CHIC1: variants seen among roughly 807,000 people sequenced by gnomAD.
CHIC1 encodes the protein cysteine rich hydrophobic domain 1.
A neutral mutation model predicts 18.5 loss-of-function variants in CHIC1; 7 were observed. The observed-to-expected ratio is 0.38, with a 90% CI of 0.22 to 0.71. CHIC1 has a LOEUF of 0.71. CHIC1 is among the 30% of genes least tolerant of loss of function. The probability of loss-of-function intolerance (pLI) is 0.49; values close to 1 mark genes in which losing one functional copy is unlikely to be tolerated. For synonymous variants in CHIC1, 77 were observed against 73.5 expected (o/e 1.05, Z -0.25); for missense variants, 159 against 176.9 (o/e 0.90, Z 0.57).
chrX:73,680,188 G>A (rs943483622), intron 5 of CHIC1, among the ~76,000 whole-genome samples: 1 of 105,692 alleles, frequency 9.5e-6, no homozygotes, highest in African/African-American at 3.5e-5. Flanking sequence ...TACAATCTTA[G>A]TCATAAGACA....
chrX:73,670,817 G>A (rs1215270883), intron 3 of CHIC1, among the ~76,000 whole-genome samples: 1 of 111,450 alleles, frequency 9.0e-6, no homozygotes, highest in East Asian at 2.8e-4. Flanking sequence ...TATTGGTACA[G>A]TTTCCAAATT....
intron 3 of CHIC1, among the ~76,000 whole-genome samples, chrX:73,589,393 A>G (rs1290553527): frequency 9.1e-6 from 1 of 110,331 alleles, no homozygotes; most frequent in African/African-American, 3.3e-5. Context: ...TGTATACCTT[A>G]TTTCCTTTTC....
intron 3 of CHIC1, among the ~76,000 whole-genome samples, chrX:73,635,821 G>A (rs2057829085): frequency 9.0e-6 from 1 of 111,474 alleles, no homozygotes; most frequent in Admixed American, 9.5e-5. Flanking sequence ...TATCCTGGAG[G>A]ATGTTTCTTG....
chrX:73,668,806 C>T (rs950070131), intron 3 of CHIC1, among the ~76,000 whole-genome samples: 4 of 112,423 alleles, frequency 3.6e-5, no homozygotes, highest in African/African-American at 6.5e-5. Flanking sequence ...TTGGTGGTCT[C>T]TCCCAGTCAG....
rs746667912 is a variant in CHIC1, at chrX:73,681,906, A to G, written c.*901A>G. 2.7e-5 allele frequency: 3 copies of G among 111,979 alleles called. No homozygotes were observed. The Admixed American group carries it at 2.8e-4, about 11-fold the overall frequency. The allele number at this position is 111,979 out of a possible 1,213,427, so 9.2% of individuals were successfully genotyped here. On this transcript the variant is annotated 3_prime_UTR_variant, in exon 6 of 6. Coordinates refer to ENST00000373502, the MANE Select transcript of CHIC1 (RefSeq NM_001039840.4). ...GTCTACTCCTTCCCACAAAAAAACT[A>G]TTTGACATCTGACACATTTCACAGT... is the stretch of plus-strand genomic sequence containing the variant.
intron 3 of CHIC1, among the ~76,000 whole-genome samples, chrX:73,614,016 G>T (rs191008738): frequency 1.2e-4 from 13 of 111,819 alleles, no homozygotes; most frequent in Non-Finnish European, 2.3e-4. Flanking sequence ...TTGCTTCCAG[G>T]TGTAGGACTC....
intron 3 of CHIC1, among the ~76,000 whole-genome samples, chrX:73,658,197 C>T (rs1323256884): frequency 2.9e-5 from 3 of 102,782 alleles, no homozygotes; most frequent in Non-Finnish European, 3.9e-5. Flanking sequence ...GGAATGGTAC[C>T]AGCTCTTCTT....
chrX:73,656,648 C>A (rs1437916359), intron 3 of CHIC1, among the ~76,000 whole-genome samples: 1 of 111,714 alleles, frequency 9.0e-6, no homozygotes, highest in African/African-American at 3.3e-5. Flanking sequence ...CTATTCTGTT[C>A]CAATGGTCTG....
intron 3 of CHIC1, among the ~76,000 whole-genome samples, chrX:73,644,949 G>A (rs546156197): frequency 2.7e-5 from 3 of 112,266 alleles, no homozygotes; most frequent in Non-Finnish European, 3.8e-5. Flanking sequence ...GCCCTGCTTC[G>A]ACTCACACCC....
chrX:73,661,105 A>G (rs2057977899), intron 3 of CHIC1, among the ~76,000 whole-genome samples: 2 of 111,464 alleles, frequency 1.8e-5, no homozygotes, highest in Admixed American at 1.9e-4. Context: ...TGGATGTTCC[A>G]TGTGTGACAA....
intron 3 of CHIC1, among the ~76,000 whole-genome samples, chrX:73,648,433 A>G (rs149908509): frequency 0.012 from 1,294 of 111,999 alleles, 6 homozygotes; most frequent in Middle Eastern, 0.023. Flanking sequence ...TGAAAGAAGC[A>G]TATTTTAACC....
intron 3 of CHIC1, among the ~76,000 whole-genome samples, chrX:73,656,491 A>G (rs746454985): frequency 8.9e-6 from 1 of 111,901 alleles, no homozygotes; most frequent in Non-Finnish European, 1.9e-5. Context: ...GGTATAAGGA[A>G]GAGGTCTATT....
At chrX:73,567,973 C>T (rs886866349) in intron 1 of CHIC1, among the ~76,000 whole-genome samples, 4 of 111,468 alleles carry the variant, frequency 3.6e-5, no homozygotes, top group Non-Finnish European at 7.5e-5. Context: ...AGAACAATTT[C>T]TGATTCCCTA....
chrX:73,675,876 T>C (rs1328165548), intron 3 of CHIC1, among the ~76,000 whole-genome samples: 1 of 110,456 alleles, frequency 9.1e-6, no homozygotes, highest in Non-Finnish European at 1.9e-5. Context: ...GTACCGGTTG[T>C]TCCTTTCCAT....
chrX:73,655,460 GTGTATATATATATACATATATACACAA>G (rs2057939538), intron 3 of CHIC1, among the ~76,000 whole-genome samples: 1 of 39,855 alleles, frequency 2.5e-5, no homozygotes, highest in Non-Finnish European at 5.2e-5. Flanking sequence ...ACACAATATT[GTGTATATATATATACATATATACACAA>G]TATTGTGTAT....
intron 3 of CHIC1, among the ~76,000 whole-genome samples, chrX:73,633,242 C>A (rs757444363): frequency 9.3e-6 from 1 of 108,086 alleles, no homozygotes; most frequent in African/African-American, 3.4e-5. Context: ...ACTGCCCCCC[C>A]ACATTTGTGT....
At chrX:73,597,620 C>CATAT (rs35697207) in intron 3 of CHIC1, among the ~76,000 whole-genome samples, 53 of 104,119 alleles carry the variant, frequency 5.1e-4, no homozygotes, top group Non-Finnish European at 9.5e-4. Flanking sequence ...CACACACACA[C>CATAT]ATATATATAT....
At chrX:73,573,459 G>A (rs747299944) in intron 1 of CHIC1, among the ~76,000 whole-genome samples, 1 of 111,159 alleles carries the variant, frequency 9.0e-6, no homozygotes, top group Non-Finnish European at 1.9e-5. Context: ...TAGAATAGTT[G>A]TTTCTAATTC....
chrX:73,584,039 T>G (rs2057540366), intron 2 of CHIC1, among the ~76,000 whole-genome samples: 1 of 111,289 alleles, frequency 9.0e-6, no homozygotes, highest in Non-Finnish European at 1.9e-5. Context: ...GGTTTTTTAT[T>G]GTTGTGTTAT....
Sources: allele counts gnomAD v4.1 joint callset (sites outside exome capture counted in the v4.1 genomes callset), GRCh38; gene constraint gnomAD v4.1.1; transcripts MANE v1.5; gene names NCBI Gene and HGNC (gene_info 2026-07-23, HGNC 2026-07-21).